SLC24A3: variants seen among roughly 807,000 people sequenced by gnomAD.
SLC24A3 encodes the protein solute carrier family 24 member 3.
A neutral mutation model predicts 75.8 loss-of-function variants in SLC24A3; 28 were observed. The observed-to-expected ratio is 0.37, with a 90% CI of 0.27 to 0.51. SLC24A3 has a LOEUF of 0.51. SLC24A3 is among the 20% of genes least tolerant of loss of function. SLC24A3 has a pLI of 0.94. For missense variants in SLC24A3, 663 were observed against 847.8 expected (o/e 0.78, Z 2.71); for synonymous variants, 372 against 334.1 (o/e 1.11, Z -1.24).
chr20:19,373,300 C>G lies in SLC24A3; in HGVS notation c.271+92213C>G, dbSNP rs553906172. On this transcript the variant is annotated intron_variant, in intron 2 of 16. Coordinates refer to ENST00000328041, the MANE Select transcript of SLC24A3 (RefSeq NM_020689.4). ...GCCTCTCTCGGAGGCCCTTCCTTGT[C>G]CTGCCCAGGTCCAGCCCCATGGTCA... Among the ~76,000 whole-genome samples the G allele has an allele frequency of 1.1e-4, 17 of 152,338 alleles. No homozygotes were observed. In the Middle Eastern group the frequency reaches 0.014, roughly 122 times the overall value.
chr20:19,559,967 G>A (rs1351257057), intron 3 of SLC24A3, among the ~76,000 whole-genome samples: 2 of 152,098 alleles, frequency 1.3e-5, no homozygotes, highest in East Asian at 3.9e-4. Flanking sequence ...TTTCCGTGGT[G>A]TAAATACTCA....
intron 2 of SLC24A3, among the ~76,000 whole-genome samples, chr20:19,425,403 C>G (rs961811035): frequency 6.6e-6 from 1 of 152,134 alleles, no homozygotes; most frequent in Non-Finnish European, 1.5e-5. Flanking sequence ...TTTTTCTTGA[C>G]ATTATCATCC....
chr20:19,661,749 C>T (rs1031503398), intron 7 of SLC24A3, among the ~76,000 whole-genome samples: 5 of 152,118 alleles, frequency 3.3e-5, no homozygotes, highest in South Asian at 4.1e-4. Flanking sequence ...GCTGACATGG[C>T]GATGTTGAGA....
At chr20:19,520,546 C>T (rs555363611) in intron 3 of SLC24A3, among the ~76,000 whole-genome samples, 11 of 152,186 alleles carry the variant, frequency 7.2e-5, no homozygotes, top group South Asian at 6.2e-4. Context: ...AGGCTCTCTA[C>T]GGCGCAGGTC....
intron 5 of SLC24A3, 62 bp downstream of exon 5, chr20:19,585,117 A>C: frequency 6.9e-7 from 1 of 1,454,692 alleles, no homozygotes; most frequent in East Asian, 2.3e-5. Context: ...GGCTCTGGGA[A>C]TGGATGGCCC....
intron 2 of SLC24A3, among the ~76,000 whole-genome samples, chr20:19,469,895 A>G (rs1191554434): frequency 1.3e-5 from 2 of 152,172 alleles, no homozygotes; most frequent in Non-Finnish European, 2.9e-5. Flanking sequence ...GACTCTTCAA[A>G]CCTAAAATTA....
intron 8 of SLC24A3, among the ~76,000 whole-genome samples, chr20:19,666,250 T>A (rs2032397808): frequency 6.6e-6 from 1 of 152,186 alleles, no homozygotes; most frequent in African/African-American, 2.4e-5. Flanking sequence ...CTCATGCCTG[T>A]AATCCCAGCA....
At chr20:19,664,228 C>G (rs369279220) in intron 7 of SLC24A3, among the ~76,000 whole-genome samples, 6 of 152,060 alleles carry the variant, frequency 3.9e-5, no homozygotes, top group African/African-American at 1.4e-4. Context: ...TGGCAACAAT[C>G]TTTTTTCAAA....
At chr20:19,367,805 A>G (rs1037740473) in intron 2 of SLC24A3, among the ~76,000 whole-genome samples, 1 of 152,142 alleles carries the variant, frequency 6.6e-6, no homozygotes, top group Admixed American at 6.5e-5. Context: ...GCCCAGTTCC[A>G]CTTGGCATTG....
At chr20:19,357,035 G>T (rs1057298736) in intron 2 of SLC24A3, among the ~76,000 whole-genome samples, 3 of 152,058 alleles carry the variant, frequency 2.0e-5, no homozygotes, top group African/African-American at 7.2e-5. Context: ...TGCAGGTGTG[G>T]TTCAGTTAAG....
At chr20:19,606,969 T>G (rs1017266741) in intron 6 of SLC24A3, among the ~76,000 whole-genome samples, 2 of 152,158 alleles carry the variant, frequency 1.3e-5, no homozygotes, top group African/African-American at 4.8e-5. Flanking sequence ...CTGCAGCCCC[T>G]CAGGCCCCTC....
intron 2 of SLC24A3, among the ~76,000 whole-genome samples, chr20:19,508,792 C>T (rs1422805437): frequency 6.6e-6 from 1 of 152,234 alleles, no homozygotes; most frequent in African/African-American, 2.4e-5. Flanking sequence ...GGGAATGACT[C>T]TCAGCTGGAT....
At chr20:19,651,824 G>T (rs1249996348) in intron 6 of SLC24A3, among the ~76,000 whole-genome samples, 2 of 144,234 alleles carry the variant, frequency 1.4e-5, no homozygotes, top group African/African-American at 5.2e-5. Context: ...TCACGCCACT[G>T]CACTCCAGCC....
chr20:19,259,025 A>G (rs1380413885), intron 1 of SLC24A3, among the ~76,000 whole-genome samples: 1 of 152,192 alleles, frequency 6.6e-6, no homozygotes, highest in South Asian at 2.1e-4. Context: ...AGAGCCAGGT[A>G]AGTTTTCTAG....
intron 6 of SLC24A3, among the ~76,000 whole-genome samples, chr20:19,646,070 A>G (rs1422335619): frequency 2.0e-5 from 3 of 152,160 alleles, no homozygotes; most frequent in African/African-American, 7.2e-5. Context: ...AACAAGAAAT[A>G]TATAGTGGTT....
At chr20:19,264,794 G>C (rs1001954886) in intron 1 of SLC24A3, among the ~76,000 whole-genome samples, 4 of 151,740 alleles carry the variant, frequency 2.6e-5, no homozygotes, top group Non-Finnish European at 5.9e-5. Flanking sequence ...TGCTCCTGGA[G>C]CAAACCTCAC....
At chr20:19,383,430 C>T (rs1986218846) in intron 2 of SLC24A3, among the ~76,000 whole-genome samples, 1 of 151,942 alleles carries the variant, frequency 6.6e-6, no homozygotes, top group African/African-American at 2.4e-5. Context: ...ACCATTTATC[C>T]TGTGAAATGT....
chr20:19,338,132 A>G (rs1985180226), intron 2 of SLC24A3, among the ~76,000 whole-genome samples: 1 of 152,214 alleles, frequency 6.6e-6, no homozygotes, highest in African/African-American at 2.4e-5. Context: ...GGTAAAAAAT[A>G]TACTGTTTTC....
At chr20:19,560,919 C>T (rs1035205224) in intron 3 of SLC24A3, among the ~76,000 whole-genome samples, 1 of 152,164 alleles carries the variant, frequency 6.6e-6, no homozygotes, top group Non-Finnish European at 1.5e-5. Context: ...TCCATCCAAG[C>T]CACTTAATAA....
Sources: gnomAD v4.1 joint callset for allele counts (sites outside exome capture counted in the v4.1 genomes callset) on GRCh38, gnomAD v4.1.1 for gene constraint, MANE v1.5 for transcripts, NCBI Gene and HGNC (gene_info 2026-07-23, HGNC 2026-07-21) for gene names.